Variants in C1orf159 observed in about 807,000 individuals in gnomAD.
The protein encoded by C1orf159 is chromosome 1 open reading frame 159, also known as uncharacterized protein C1orf159.
Under a neutral mutation model 25.6 loss-of-function variants are expected in C1orf159, and 19 were observed. That is an observed-to-expected ratio of 0.74 (90% CI 0.52 to 1.09). The LOEUF (loss-of-function observed/expected upper bound fraction) is 1.09, where lower values mean the gene tolerates loss of function less well. Ranked by LOEUF, C1orf159 falls within the 50% of genes least tolerant of loss-of-function variation. C1orf159 has a pLI of 0.00. For missense variants in C1orf159, 274 were observed against 290.6 expected (o/e 0.94, Z 0.42); for synonymous variants, 139 against 124.7 (o/e 1.12, Z -0.77).
chr1:1,089,434 C>T lies in C1orf159; in HGVS notation c.148+919G>A, dbSNP rs1645889023. ...GGACCCCAAGGTGCTCAGCTTCCTC[C>T]CAGCCCCTCTGTTCTCCCTCAGAGC... On this transcript the variant is annotated intron_variant, in intron 4 of 9. Transcript: ENST00000421241. This position sits in a 1 kb window ranked among gnomAD's most constrained non-coding sequence, Gnocchi z 7.5. Among the ~76,000 whole-genome samples, 2 of 152,142 alleles carry T rather than the reference C, an allele frequency of 1.3e-5. No individual in the cohort carries two copies. The highest frequency in any genetic ancestry group is 1.3e-4 in the Admixed American group (2 of 15,280).
chr1:1,113,535 A>G (rs1328792572), intron 1 of C1orf159, among the ~76,000 whole-genome samples: 1 of 151,888 alleles, frequency 6.6e-6, no homozygotes, highest in African/African-American at 2.4e-5. Context: ...TGGGACTGTT[A>G]GTGGCAGAAT....
At position 1,081,960 on chromosome 1, in the gene C1orf159, A is replaced by AG. The variant is rs1553182631; in HGVS notation, c.*932dup. The stretch of plus-strand genomic sequence containing the variant: ...CCCCGAAGGCCAGGCCACCCCTCAG[A>AG]GGGGGGTCCCATGCTAAAGCAGACG... On this transcript the variant is annotated 3_prime_UTR_variant, in exon 10 of 10. Transcript: ENST00000421241. The surrounding 1 kb of genome is among the most constrained non-coding windows in gnomAD (Gnocchi z 7.1). The AG allele has an allele frequency of 1.3e-5, 2 of 152,228 alleles. No homozygotes were observed. Among genetic ancestry groups the AG allele is most frequent in the Non-Finnish European group, 2.9e-5 (2 of 68,068 alleles). 9.4% of individuals were successfully genotyped at this position (152,228 alleles called of 1,614,324 possible).
intron 1 of C1orf159, among the ~76,000 whole-genome samples, chr1:1,113,485 G>A (rs1432224447): frequency 1.3e-5 from 2 of 151,844 alleles, no homozygotes; most frequent in South Asian, 4.2e-4. Flanking sequence ...CTCCACCTCC[G>A]GGGCTGAAGC....
intron 6 of C1orf159, 27 bp from the exon 7 acceptor site, chr1:1,086,039 G>A (rs762882647): frequency 6.8e-6 from 11 of 1,609,916 alleles, no homozygotes; most frequent in African/African-American, 1.3e-5. Flanking sequence ...CTGAGCAGAC[G>A]GGCAGGACGG....
intron 3 of C1orf159, chr1:1,091,131 G>A: frequency 4.5e-6 from 3 of 660,504 alleles, no homozygotes; most frequent in South Asian, 3.8e-5. Context: ...CTCCGCCTGG[G>A]AGTCTGGAGC....
At chr1:1,085,701 C>T (rs1484152743) in intron 7 of C1orf159, among the ~76,000 whole-genome samples, 177 bp downstream of exon 7, 2 of 152,192 alleles carry the variant, frequency 1.3e-5, no homozygotes, top group Admixed American at 1.3e-4. Flanking sequence ...CGGCTGTTTC[C>T]GGGAAGTGAC....
Position 1,082,321 on chromosome 1 carries a change from G to A in C1orf159, c.*572C>T, listed in dbSNP as rs1201077033. The stretch of plus-strand genomic sequence containing the variant: ...TCCGGAAATGGGTGGCTGCGTGCTT[G>A]GGGTCTCCGCCACGCGGGAGGACAG... On this transcript the variant is annotated 3_prime_UTR_variant, in exon 10 of 10. Coordinates refer to ENST00000421241, the MANE Select transcript of C1orf159 (RefSeq NM_017891.5). 1.3e-5 allele frequency: 2 copies of A among 156,288 alleles called. No individual in the cohort carries two copies. Among genetic ancestry groups the A allele is most frequent in the Non-Finnish European group, 2.8e-5 (2 of 70,200 alleles). 9.7% of individuals were successfully genotyped at this position (156,288 alleles called of 1,614,324 possible). A position where few individuals can be genotyped will look rare whatever the true frequency, so the allele number is the denominator to read the frequency against.
At chr1:1,083,072 C>A (rs773493850) in intron 9 of C1orf159, 85 bp from the exon 10 acceptor site, 1 of 1,181,444 alleles carries the variant, frequency 8.5e-7, no homozygotes, top group South Asian at 1.5e-5. Flanking sequence ...CGGAGGCTCT[C>A]GGGAGTGGGC....
Position 1,085,929 on chromosome 1 carries a change from A to G in C1orf159, c.394T>C (p.Tyr132His). ...GGGAGTTTACTGGAGCGCTTGAGGT[A>G]GAAGAACCCAGCTACGGAGAGGATG... ...GLILSVAGFF[Y>H]LKRSSKLPRA... The change falls in exon 7 of 10, where the codon TAC becomes CAC. Residue 132 changes from tyrosine (Y) to histidine (H), a missense_variant. Tyr to His is a moderately conservative substitution (Grantham distance 83, BLOSUM62 2). Coordinates refer to ENST00000421241, the MANE Select transcript of C1orf159 (RefSeq NM_017891.5). 1 of 1,613,470 alleles carries G rather than the reference A, an allele frequency of 6.2e-7. No homozygotes were observed. Among genetic ancestry groups the G allele is most frequent in the Non-Finnish European group, 8.5e-7 (1 of 1,179,836 alleles).
intron 9 of C1orf159, 21 bp from the exon 10 acceptor site, chr1:1,083,008 G>T (rs1292984652): frequency 1.9e-6 from 3 of 1,568,230 alleles, no homozygotes; most frequent in Admixed American, 3.6e-5. Context: ...TCAGAGACAG[G>T]CGAGGTCAGA....
Position 1,084,343 on chromosome 1 carries a change from C to T in C1orf159, c.502+10G>A. The T allele has an allele frequency of 6.5e-7, 1 of 1,544,382 alleles. No individual in the cohort carries two copies. Among genetic ancestry groups the T allele is most frequent in the Non-Finnish European group, 8.7e-7 (1 of 1,145,378 alleles). The stretch of plus-strand genomic sequence containing the variant: ...GAAACCCCACAGGGGGATGCGACAG[C>T]TGCTGTTACCTGAGGACTGTGGCGG... On this transcript the variant is annotated intron_variant, in intron 9 of 9. Transcript: ENST00000421241.
intron 1 of C1orf159, among the ~76,000 whole-genome samples, chr1:1,099,228 T>C (rs894017347): frequency 2.7e-5 from 4 of 147,098 alleles, no homozygotes; most frequent in Non-Finnish European, 5.9e-5. Flanking sequence ...TTTTGGTCTA[T>C]TGTTCTAAGA....
At chr1:1,104,040 T>C (rs576086125) in intron 1 of C1orf159, among the ~76,000 whole-genome samples, 2 of 152,116 alleles carry the variant, frequency 1.3e-5, no homozygotes, top group East Asian at 3.9e-4. Flanking sequence ...CAGGCTGGAG[T>C]GCAGTGGCGC....
At chr1:1,085,151 T>C in intron 7 of C1orf159, 1 of 293,826 alleles carries the variant, frequency 3.4e-6, no homozygotes, top group Non-Finnish European at 7.1e-6. Context: ...CGAGAGAGGT[T>C]GAGGGGGATG....
At chr1:1,112,288 TGGC>T (rs1232239854) in intron 1 of C1orf159, among the ~76,000 whole-genome samples, 1 of 152,184 alleles carries the variant, frequency 6.6e-6, no homozygotes, top group Non-Finnish European at 1.5e-5. Context: ...AGAGGCAAAA[TGGC>T]GGCGTGTAAC....
intron 1 of C1orf159, among the ~76,000 whole-genome samples, chr1:1,108,624 T>C (rs1646212544): frequency 9.3e-6 from 1 of 107,078 alleles, no homozygotes; most frequent in Admixed American, 1.0e-4. Flanking sequence ...AGCCACCATG[T>C]CTCAGCAGCA....
chr1:1,090,706 C>T (rs1288257883), intron 3 of C1orf159: 2 of 734,640 alleles, frequency 2.7e-6, no homozygotes, highest in Non-Finnish European at 4.7e-6. Flanking sequence ...GCGGCACCCG[C>T]AGGCCATGGC....
chr1:1,084,135 G>A (rs1557744436), intron 9 of C1orf159: 1 of 1,554,328 alleles, frequency 6.4e-7, no homozygotes. Flanking sequence ...AAGGGGGGCG[G>A]GCAGGGGGCG....
Position 1,113,285 on chromosome 1 carries a change from C to T in C1orf159, c.-136+2775G>A, listed in dbSNP as rs564630102. 3.3e-5 allele frequency among the ~76,000 whole-genome samples: 5 copies of T among 152,228 alleles called. No homozygotes were observed. In the South Asian group the frequency reaches 8.3e-4, roughly 25 times the overall value. On this transcript the variant is annotated intron_variant, in intron 1 of 9. Transcript: ENST00000421241. The stretch of plus-strand genomic sequence containing the variant: ...CTTCTGAGGCAGCGAGAATCGAGGC[C>T]GCTGCTGACATACTTTGGTGCTGAA...
Sources: allele counts gnomAD v4.1 joint callset (sites outside exome capture counted in the v4.1 genomes callset), GRCh38; gene constraint gnomAD v4.1.1; non-coding constraint Gnocchi (gnomAD v3.1); transcripts MANE v1.5; gene names NCBI Gene and HGNC (gene_info 2026-07-23, HGNC 2026-07-21).